Variants in FSHR observed in about 807,000 individuals in gnomAD.
FSHR encodes follicle stimulating hormone receptor.
Under a neutral mutation model 52.1 loss-of-function variants are expected in FSHR, and 46 were observed. That is an observed-to-expected ratio of 0.88 (90% CI 0.70 to 1.13). The LOEUF (loss-of-function observed/expected upper bound fraction) is 1.13. Ranked by LOEUF, FSHR falls within the 50% of genes most tolerant of loss-of-function variation. The probability of loss-of-function intolerance (pLI) is 0.00; values close to 1 mark genes in which losing one functional copy is unlikely to be tolerated. For synonymous variants in FSHR, 399 were observed against 309.6 expected (o/e 1.29, Z -3.03); for missense variants, 964 against 834.6 (o/e 1.16, Z -1.91).
intron 9 of FSHR, among the ~76,000 whole-genome samples, chr2:48,965,627 A>G (rs1029771806): frequency 1.3e-5 from 2 of 152,190 alleles, no homozygotes; most frequent in African/African-American, 4.8e-5. Flanking sequence ...TGCTGACTGC[A>G]GTTTGGTTCA....
intron 1 of FSHR, among the ~76,000 whole-genome samples, chr2:49,119,575 C>G (rs528779098): frequency 6.6e-6 from 1 of 152,000 alleles, no homozygotes. Flanking sequence ...GTTTCGCTTT[C>G]TTTGACAAAA....
intron 4 of FSHR, chr2:49,014,901 C>T (rs544693038): frequency 3.5e-4 from 164 of 470,108 alleles, no homozygotes; most frequent in African/African-American, 2.9e-3. Flanking sequence ...GCTCTATGAT[C>T]CCCATTTTCC....
At chr2:48,997,294 T>C in intron 4 of FSHR, 1 of 985,002 alleles carries the variant, frequency 1.0e-6, no homozygotes, top group Non-Finnish European at 1.2e-6. Context: ...ACTAGAAGTA[T>C]TTAACTCTCA....
Position 48,983,133 on chromosome 2 carries a change from G to A in FSHR, c.558C>T (p.His186=), listed in dbSNP as rs762544680. ...WLNKNGIQEI[H]NCAFNGTQLD... is the part of the protein sequence containing the mutation. ...GTTGGGTTCCATTGAATGCACAGTT[G>A]TGTATTTCTTGAATCCCATTCTTAT... The change falls in exon 7 of 10, where the codon CAC becomes CAT. Residue 186 remains histidine (H), a synonymous_variant. Transcript: ENST00000406846. The A allele has an allele frequency of 6.2e-7, 1 of 1,614,050 alleles. No homozygotes were observed. Among genetic ancestry groups the A allele is most frequent in the South Asian group, 1.1e-5 (1 of 91,070 alleles).
intron 1 of FSHR, among the ~76,000 whole-genome samples, chr2:49,078,393 C>T (rs1184921029): frequency 6.6e-6 from 1 of 152,112 alleles, no homozygotes; most frequent in Non-Finnish European, 1.5e-5. Flanking sequence ...ACTAGCCAAA[C>T]CATATCAGCT....
intron 8 of FSHR, among the ~76,000 whole-genome samples, chr2:48,969,566 T>TTTA (rs1204869276): frequency 6.6e-5 from 10 of 151,382 alleles, no homozygotes; most frequent in African/African-American, 2.4e-4. Context: ...ATCCTATGTG[T>TTTA]ACCTCAGAGG....
chr2:49,066,597 T>C (rs1572699934), intron 2 of FSHR, among the ~76,000 whole-genome samples: 1 of 152,088 alleles, frequency 6.6e-6, no homozygotes, highest in Non-Finnish European at 1.5e-5. Context: ...GGATGATTAA[T>C]GAAGACATGA....
At chr2:49,078,419 G>T (rs771017885) in intron 1 of FSHR, among the ~76,000 whole-genome samples, 3 of 152,158 alleles carry the variant, frequency 2.0e-5, no homozygotes, top group Admixed American at 1.3e-4. Context: ...AAGAAGTAAT[G>T]CTCTCCAACC....
intron 1 of FSHR, among the ~76,000 whole-genome samples, chr2:49,153,182 G>A (rs17038381): frequency 0.014 from 2,090 of 152,338 alleles, 38 homozygotes; most frequent in African/African-American, 0.048. Context: ...ATGTTTCAGT[G>A]TCAATATGGC....
At chr2:49,094,491 C>G (rs1330953931) in intron 1 of FSHR, among the ~76,000 whole-genome samples, 2 of 152,100 alleles carry the variant, frequency 1.3e-5, no homozygotes, top group East Asian at 1.9e-4. Context: ...GATTTCCCAG[C>G]TAACAAATTA....
chr2:49,144,293 C>T (rs755093536), intron 1 of FSHR, among the ~76,000 whole-genome samples: 10 of 152,144 alleles, frequency 6.6e-5, no homozygotes, highest in East Asian at 3.9e-4. Flanking sequence ...TCTGCTGCTG[C>T]GGCTATTGTT....
At chr2:49,056,653 CA>C (rs1416140419) in intron 2 of FSHR, among the ~76,000 whole-genome samples, 1 of 151,834 alleles carries the variant, frequency 6.6e-6, no homozygotes, top group African/African-American at 2.4e-5. Flanking sequence ...AACTGCACCA[CA>C]GACCAAACAG....
intron 1 of FSHR, among the ~76,000 whole-genome samples, chr2:49,107,888 A>G (rs930489538): frequency 6.6e-6 from 1 of 152,174 alleles, no homozygotes. Flanking sequence ...TTTCAAATGA[A>G]TATTGAAATA....
chr2:49,029,741 T>A (rs1044224666), intron 2 of FSHR, among the ~76,000 whole-genome samples: 11 of 152,182 alleles, frequency 7.2e-5, no homozygotes, highest in African/African-American at 2.7e-4. Context: ...AGGCCTAGGT[T>A]CTAGTCCTGA....
intron 8 of FSHR, among the ~76,000 whole-genome samples, chr2:48,973,652 A>C (rs1040370179): frequency 6.6e-6 from 1 of 152,148 alleles, no homozygotes; most frequent in Admixed American, 6.6e-5. Flanking sequence ...AGCTATTTGT[A>C]TTTTATCTCT....
intron 6 of FSHR, among the ~76,000 whole-genome samples, chr2:48,983,975 A>C (rs1006778144): frequency 6.6e-6 from 1 of 152,076 alleles, no homozygotes; most frequent in Non-Finnish European, 1.5e-5. Context: ...GAAAACAAAA[A>C]CAGATACCAA....
chr2:49,016,197 A>G (rs145374683), intron 4 of FSHR, among the ~76,000 whole-genome samples: 1 of 152,184 alleles, frequency 6.6e-6, no homozygotes, highest in South Asian at 2.1e-4. Context: ...CTGAGCATCT[A>G]CTATCAGAGG....
In FSHR at chr2:49,069,501, T is replaced by C. The variant is rs531836961; in HGVS notation, c.153-1211A>G. On this transcript the variant is annotated intron_variant, in intron 1 of 9. Transcript: ENST00000406846. ...GCAATTCTGACATGTTATATCTTCA[T>C]TTATCTATTTGTGTATCCATTTGTT... 2.6e-3 allele frequency among the ~76,000 whole-genome samples: 401 copies of C among 152,276 alleles called. 2 individuals are homozygous for C. The highest frequency in any genetic ancestry group is 8.7e-3 in the African/African-American group (362 of 41,566).
intron 2 of FSHR, among the ~76,000 whole-genome samples, chr2:49,046,690 G>A (rs1415536379): frequency 2.0e-5 from 3 of 152,180 alleles, no homozygotes; most frequent in African/African-American, 2.4e-5. Context: ...TACCAGGTAA[G>A]TTTCATCAAA....
Sources: gnomAD v4.1 joint callset for allele counts (sites outside exome capture counted in the v4.1 genomes callset) on GRCh38, gnomAD v4.1.1 for gene constraint, MANE v1.5 for transcripts, NCBI Gene and HGNC (gene_info 2026-07-23, HGNC 2026-07-21) for gene names.